Variants in PLEKHG1 observed in about 807,000 individuals in gnomAD.
PLEKHG1 encodes pleckstrin homology domain-containing family G member 1.
PLEKHG1 carries 44 observed loss-of-function variants against 100.8 expected under a neutral mutation model. The observed-to-expected ratio is 0.44, with a 90% confidence interval of 0.34 to 0.56. PLEKHG1 has a LOEUF of 0.56. Ranked by LOEUF, PLEKHG1 falls within the 20% of genes least tolerant of loss-of-function variation. PLEKHG1 has a pLI of 0.01. For synonymous variants in PLEKHG1, 640 were observed against 662.5 expected (o/e 0.97, Z 0.52); for missense variants, 1,545 against 1,720.9 (o/e 0.90, Z 1.81).
At chr6:150,671,771 G>A (rs1437521920) in intron 3 of PLEKHG1, among the ~76,000 whole-genome samples, 2 of 152,182 alleles carry the variant, frequency 1.3e-5, no homozygotes, top group Non-Finnish European at 2.9e-5. Context: ...ACATGAAGTT[G>A]GGACATGAAT....
At chr6:150,681,777 A>G (rs1207257640) in intron 3 of PLEKHG1, among the ~76,000 whole-genome samples, 4 of 152,148 alleles carry the variant, frequency 2.6e-5, no homozygotes, top group Non-Finnish European at 5.9e-5. Context: ...CCTGTAGTGC[A>G]GGGAGACCCT....
intron 1 of PLEKHG1, among the ~76,000 whole-genome samples, chr6:150,727,509 G>GA (rs1041992553): frequency 8.6e-5 from 13 of 151,588 alleles, no homozygotes; most frequent in East Asian, 5.8e-4. Context: ...TTTTCACCCA[G>GA]AAAAAATTAG....
intron 1 of PLEKHG1, among the ~76,000 whole-genome samples, chr6:150,727,958 GA>G (rs1474063012): frequency 1.3e-5 from 2 of 152,146 alleles, no homozygotes; most frequent in Non-Finnish European, 2.9e-5. Context: ...CAAGGCAAGT[GA>G]AAAAGCTTTC....
intron 1 of PLEKHG1, among the ~76,000 whole-genome samples, chr6:150,604,062 C>T (rs1448453012): frequency 1.3e-5 from 2 of 152,016 alleles, no homozygotes; most frequent in East Asian, 3.9e-4. Context: ...AAACCCTTTG[C>T]CATTATAGCA....
intron 3 of PLEKHG1, among the ~76,000 whole-genome samples, chr6:150,654,404 G>T (rs1460471189): frequency 6.6e-6 from 1 of 152,128 alleles, no homozygotes. Flanking sequence ...GCCCTACTAT[G>T]CGGCAGCGCT....
In PLEKHG1 at chr6:150,831,169, A is replaced by G. The variant is rs559381213; in HGVS notation, c.2058A>G (p.Ser686=). 1 of 1,614,120 alleles carries G rather than the reference A, an allele frequency of 6.2e-7. No individual in the cohort carries two copies. Among genetic ancestry groups the G allele is most frequent in the African/African-American group, 1.3e-5 (1 of 75,042 alleles). ...AAGCTGAATCCACTCCCTCTAAATCAGCCAGGGACTCCGTTCGCCCCAAGA... is the reference window on the plus strand; with the variant it reads ...AAGCTGAATCCACTCCCTCTAAATCGGCCAGGGACTCCGTTCGCCCCAAGA... Residue 686 remains serine, a synonymous_variant, in exon 15 of 16, where the codon TCA becomes TCG. Transcript: ENST00000358517. This position sits in a 1 kb window ranked among gnomAD's most constrained non-coding sequence, Gnocchi z 4.1.
At chr6:150,611,670 G>A (rs1024878338) in intron 1 of PLEKHG1, among the ~76,000 whole-genome samples, 2 of 152,014 alleles carry the variant, frequency 1.3e-5, no homozygotes, top group African/African-American at 4.8e-5. Flanking sequence ...AAATTAGCCG[G>A]GCATGGTGGT....
chr6:150,693,144 C>T (rs1414855181), intron 3 of PLEKHG1, among the ~76,000 whole-genome samples: 9 of 152,008 alleles, frequency 5.9e-5, no homozygotes, highest in African/African-American at 1.9e-4. Context: ...AAAAATTAGC[C>T]GGGTGTGGTG....
chr6:150,689,894 T>C (rs1372057754), intron 3 of PLEKHG1, among the ~76,000 whole-genome samples: 1 of 151,374 alleles, frequency 6.6e-6, no homozygotes, highest in East Asian at 1.9e-4. Flanking sequence ...GAAGAAGAAG[T>C]AATATGATCT....
chr6:150,760,581 G>T (rs1392167970), intron 2 of PLEKHG1, among the ~76,000 whole-genome samples: 1 of 151,084 alleles, frequency 6.6e-6, no homozygotes, highest in Non-Finnish European at 1.5e-5. Context: ...AGTCTTCGAA[G>T]ACTTTGTATT....
At chr6:150,650,572 A>G (rs1156971931) in intron 2 of PLEKHG1, among the ~76,000 whole-genome samples, 156 bp from the exon 2 acceptor site, 1 of 152,238 alleles carries the variant, frequency 6.6e-6, no homozygotes, top group Non-Finnish European at 1.5e-5. Context: ...GTAGCATGAT[A>G]TGGCCTTTTC....
intron 3 of PLEKHG1, among the ~76,000 whole-genome samples, chr6:150,679,061 A>G (rs1453728204): frequency 6.6e-6 from 1 of 152,234 alleles, no homozygotes; most frequent in Non-Finnish European, 1.5e-5. Flanking sequence ...TCAAAATTTT[A>G]AACTCTTATT....
chr6:150,784,840 T>C (rs1785521323), intron 3 of PLEKHG1, among the ~76,000 whole-genome samples: 1 of 152,124 alleles, frequency 6.6e-6, no homozygotes, highest in Non-Finnish European at 1.5e-5. Context: ...CATAGTATAC[T>C]CTGAGGCTAA....
intron 3 of PLEKHG1, among the ~76,000 whole-genome samples, chr6:150,702,200 A>G (rs9480544): frequency 0.13 from 20,431 of 152,214 alleles, 4,273 homozygotes; most frequent in African/African-American, 0.45. Flanking sequence ...GGCTGGGCGC[A>G]GTGGCTCATG....
chr6:150,709,429 A>G (rs1487329443), intron 3 of PLEKHG1, among the ~76,000 whole-genome samples: 1 of 152,256 alleles, frequency 6.6e-6, no homozygotes, highest in Non-Finnish European at 1.5e-5. Context: ...TTATCTGACC[A>G]TAATCGTGGG....
chr6:150,790,309 G>C (rs565055867), intron 4 of PLEKHG1, among the ~76,000 whole-genome samples: 191 of 152,324 alleles, frequency 1.3e-3, no homozygotes, highest in African/African-American at 4.4e-3. Context: ...TTACAGGCGT[G>C]AGCCACCGTG....
intron 4 of PLEKHG1, 148 bp from the exon 6 acceptor site, chr6:150,795,708 G>A: frequency 2.9e-6 from 1 of 346,700 alleles, no homozygotes; most frequent in Non-Finnish European, 5.0e-6. Flanking sequence ...GCCAACAAGA[G>A]CAAAACTCCG....
At chr6:150,784,669 A>C (rs150117342) in intron 3 of PLEKHG1, among the ~76,000 whole-genome samples, 58 of 152,304 alleles carry the variant, frequency 3.8e-4, no homozygotes, top group Non-Finnish European at 6.8e-4. Context: ...AAGAAATGCA[A>C]AGCATAGAAT....
chr6:150,723,098 G>C (rs759950224), intron 1 of PLEKHG1, among the ~76,000 whole-genome samples: 4 of 152,160 alleles, frequency 2.6e-5, no homozygotes, highest in Admixed American at 6.5e-5. Context: ...CTGGGAAGAG[G>C]CCGTGCAGTC....
Sources: allele counts gnomAD v4.1 joint callset (sites outside exome capture counted in the v4.1 genomes callset), GRCh38; gene constraint gnomAD v4.1.1; non-coding constraint Gnocchi (gnomAD v3.1); transcripts MANE v1.5; gene names NCBI Gene and HGNC (gene_info 2026-07-23, HGNC 2026-07-21).